Variants in LAMA2 observed in about 807,000 individuals in gnomAD.
The protein encoded by LAMA2 is laminin subunit alpha-2.
LAMA2 carries 269 observed loss-of-function variants against 364.8 expected under a neutral mutation model. The ratio of observed to expected loss-of-function variants is 0.74; its 90% CI spans 0.67 to 0.82. The LOEUF (loss-of-function observed/expected upper bound fraction) is 0.82. LAMA2 is among the 40% of genes least tolerant of loss of function. The pLI, the probability that LAMA2 is intolerant of heterozygous loss-of-function variation, is 0.00. For missense variants in LAMA2, 3,807 were observed against 3,873.2 expected, an observed-to-expected ratio of 0.98 and a Z score of 0.45; for synonymous variants, 1,379 against 1,370.6, an observed-to-expected ratio of 1.01 and a Z score of -0.14.
chr6:129,250,240 G>A (rs778281707), intron 13 of LAMA2, 27 bp downstream of exon 13: 24 of 1,330,178 alleles, frequency 1.8e-5, no homozygotes, highest in Admixed American at 5.0e-5. Flanking sequence ...ATGTTCACCC[G>A]TGTTACTTCC....
intron 12 of LAMA2, among the ~76,000 whole-genome samples, chr6:129,237,674 A>G (rs917099277): frequency 4.6e-5 from 7 of 152,098 alleles, no homozygotes; most frequent in African/African-American, 1.7e-4. Context: ...TAACTGTGGG[A>G]TAAATCTCTG....
At chr6:129,101,285 G>T (rs1775507238) in intron 4 of LAMA2, among the ~76,000 whole-genome samples, 1 of 152,146 alleles carries the variant, frequency 6.6e-6, no homozygotes, top group Admixed American at 6.5e-5. Flanking sequence ...AAGTCTCAAA[G>T]CCAATATGCA....
At chr6:129,154,392 C>T (rs370026035) in intron 7 of LAMA2, 113 bp from the exon 8 acceptor site, 125 of 925,234 alleles carry the variant, frequency 1.4e-4, no homozygotes, top group African/African-American at 6.4e-4. Context: ...CCAGCCTGGG[C>T]GACAGAGTGA....
chr6:129,110,813 T>C (rs1776115993), intron 4 of LAMA2, among the ~76,000 whole-genome samples: 1 of 152,026 alleles, frequency 6.6e-6, no homozygotes, highest in South Asian at 2.1e-4. Context: ...ATTTTCTAAA[T>C]GTGTATTTAC....
At chr6:129,175,390 T>C (rs1244903531) in intron 9 of LAMA2, among the ~76,000 whole-genome samples, 1 of 152,220 alleles carries the variant, frequency 6.6e-6, no homozygotes, top group Non-Finnish European at 1.5e-5. Context: ...AACCCCTGTG[T>C]TTTGTGTAAT....
chr6:129,149,140 C>T, intron 7 of LAMA2, 44 bp downstream of exon 7: 1 of 1,234,786 alleles, frequency 8.1e-7, no homozygotes, highest in Non-Finnish European at 1.2e-6. Flanking sequence ...TCTTCCTTTC[C>T]AAGAAAAAAA....
At chr6:128,884,833 A>G (rs1776055069) in intron 1 of LAMA2, among the ~76,000 whole-genome samples, 1 of 152,200 alleles carries the variant, frequency 6.6e-6, no homozygotes, top group Non-Finnish European at 1.5e-5. Context: ...GCTGGGAGAA[A>G]TGAGGGGCCA....
intron 1 of LAMA2, among the ~76,000 whole-genome samples, chr6:128,967,566 A>G (rs1781920833): frequency 6.6e-6 from 1 of 152,208 alleles, no homozygotes; most frequent in Admixed American, 6.5e-5. Flanking sequence ...TATATTGACC[A>G]ATACTTGATG....
intron 12 of LAMA2, among the ~76,000 whole-genome samples, chr6:129,206,073 A>AGG (rs1782626327): frequency 7.3e-6 from 1 of 137,360 alleles, no homozygotes; most frequent in Non-Finnish European, 1.6e-5. Context: ...AAGGGAAAGG[A>AGG]AAGGAAAGGA....
At chr6:128,994,845 A>G (rs575823196) in intron 1 of LAMA2, among the ~76,000 whole-genome samples, 62 of 152,222 alleles carry the variant, frequency 4.1e-4, no homozygotes, top group African/African-American at 1.5e-3. Context: ...TATATTTAAC[A>G]TAACACCCTA....
chr6:129,431,709 A>G (rs891819300), intron 41 of LAMA2, among the ~76,000 whole-genome samples: 6 of 152,208 alleles, frequency 3.9e-5, no homozygotes, highest in Non-Finnish European at 8.8e-5. Context: ...GAATCAGTGC[A>G]TTGCTTGACA....
chr6:128,883,799 TATACACACAC>T (rs1456486082), intron 1 of LAMA2, among the ~76,000 whole-genome samples: 23 of 135,440 alleles, frequency 1.7e-4, no homozygotes, highest in African/African-American at 6.3e-4. Flanking sequence ...TATATATATA[TATACACACAC>T]ACACACACAC....
intron 12 of LAMA2, among the ~76,000 whole-genome samples, chr6:129,217,046 G>A (rs2115085361): frequency 6.6e-6 from 1 of 152,142 alleles, no homozygotes; most frequent in East Asian, 1.9e-4. Context: ...AAAATTACCT[G>A]GGTATGGTGG....
intron 1 of LAMA2, among the ~76,000 whole-genome samples, chr6:129,006,026 C>A (rs1250729349): frequency 6.6e-6 from 1 of 151,806 alleles, no homozygotes; most frequent in African/African-American, 2.4e-5. Flanking sequence ...ATATACTTAA[C>A]CTTATTTTTC....
chr6:128,957,072 T>A (rs1460802644), intron 1 of LAMA2, among the ~76,000 whole-genome samples: 1 of 152,112 alleles, frequency 6.6e-6, no homozygotes, highest in Non-Finnish European at 1.5e-5. Context: ...TACCAAGAAA[T>A]TTGCCAGGGA....
At chr6:129,291,437 T>C (rs989020602) in intron 19 of LAMA2, among the ~76,000 whole-genome samples, 177 bp from the exon 20 acceptor site, 6 of 152,202 alleles carry the variant, frequency 3.9e-5, no homozygotes, top group African/African-American at 1.4e-4. Flanking sequence ...CTACAGCTTG[T>C]AGAGTTGTTA....
At chr6:129,027,388 G>A (rs1785899194) in intron 1 of LAMA2, among the ~76,000 whole-genome samples, 1 of 152,030 alleles carries the variant, frequency 6.6e-6, no homozygotes, top group Non-Finnish European at 1.5e-5. Flanking sequence ...ACATATCTCT[G>A]TGTTTTTTGT....
At chr6:129,299,185 G>A (rs913282316) in intron 21 of LAMA2, among the ~76,000 whole-genome samples, 1 of 151,860 alleles carries the variant, frequency 6.6e-6, no homozygotes, top group African/African-American at 2.4e-5. Context: ...TAATATGACT[G>A]AGGACATGAC....
chr6:129,258,023 C>G (rs751454230), intron 14 of LAMA2, among the ~76,000 whole-genome samples: 1 of 151,988 alleles, frequency 6.6e-6, no homozygotes, highest in African/African-American at 2.4e-5. Flanking sequence ...TCTACCCATC[C>G]GTCCACCCAT....
Sources: allele counts gnomAD v4.1 joint callset (sites outside exome capture counted in the v4.1 genomes callset), GRCh38; gene constraint gnomAD v4.1.1; transcripts MANE v1.5; gene names NCBI Gene and HGNC (gene_info 2026-07-23, HGNC 2026-07-21).